Variants in PIEZO1 observed in about 807,000 individuals in gnomAD.
PIEZO1 encodes piezo type mechanosensitive ion channel component 1 (Er blood group).
Under a neutral mutation model 297.2 loss-of-function variants are expected in PIEZO1, and 296 were observed. The ratio of observed to expected loss-of-function variants is 1.00; its 90% confidence interval spans 0.91 to 1.10. PIEZO1 has a LOEUF of 1.10. Ranked by LOEUF, PIEZO1 falls within the 50% of genes least tolerant of loss-of-function variation. The pLI is 0.00. For synonymous variants in PIEZO1, 2,427 were observed against 1,507.5 expected, an observed-to-expected ratio of 1.61 and a Z score of -14.13; for missense variants, 5,018 against 3,455.5, an observed-to-expected ratio of 1.45 and a Z score of -11.34.
intron 1 of PIEZO1, among the ~76,000 whole-genome samples, chr16:88,757,884 G>C (rs1161204707): frequency 1.3e-5 from 2 of 152,148 alleles, no homozygotes; most frequent in African/African-American, 4.8e-5. Context: ...AGATGCCCCA[G>C]GAGGCAGGAA....
intron 1 of PIEZO1, among the ~76,000 whole-genome samples, chr16:88,783,453 G>T (rs1908025917): frequency 6.6e-6 from 1 of 152,258 alleles, no homozygotes; most frequent in East Asian, 1.9e-4. Flanking sequence ...GGCATTCCCT[G>T]CAGGGAGGAC....
intron 1 of PIEZO1, among the ~76,000 whole-genome samples, chr16:88,769,562 T>C (rs537861776): frequency 2.6e-5 from 4 of 152,162 alleles, no homozygotes; most frequent in East Asian, 1.9e-4. Context: ...CTCCTACCAC[T>C]GCACATGACC....
chr16:88,749,041 T>C (rs369319400), intron 2 of PIEZO1, among the ~76,000 whole-genome samples: 20 of 144,100 alleles, frequency 1.4e-4, no homozygotes, highest in South Asian at 7.0e-4. Flanking sequence ...ATCGAGACCA[T>C]CCTGGCTATC....
chr16:88,727,575 T>C lies in PIEZO1; in HGVS notation c.3283A>G (p.Asn1095Asp). ...LYLPDFFRAP[N>D]STNLISDFLL... ...CACTCACTGATGAGGTTGGTGGAGT[T>C]GGGGGCCCGGAAGAAATCAGGCAGG... is the stretch of plus-strand genomic sequence containing the variant. The change falls in exon 23 of 51, where the codon AAC (asparagine) becomes GAC (aspartate). Residue 1095 changes from asparagine to aspartate, a missense_variant. Coordinates refer to ENST00000301015, the MANE Select transcript of PIEZO1 (RefSeq NM_001142864.4). 1 of 1,510,884 alleles carries C rather than the reference T, an allele frequency of 6.6e-7. No homozygotes were observed. Among genetic ancestry groups the C allele is most frequent in the Non-Finnish European group, 8.9e-7 (1 of 1,119,978 alleles). The allele number at this position is 1,510,884 out of a possible 1,614,324, so 93.6% of individuals were successfully genotyped here.
In PIEZO1 at chr16:88,716,025, C is replaced by G; in HGVS notation, c.7224G>C (p.Leu2408=). The change falls in exon 50 of 51, where the codon CTG becomes CTC. Residue 2408 remains leucine (L), a synonymous_variant. Transcript: ENST00000301015. The part of the protein sequence containing the change: ...TGFLEWWVIE[L]QECRTDCNLL... ...GGTTGCAGTCGGTCCGGCACTCCTG[C>G]AGCTCGATGACCCACCATTCGAGGA... 2 of 1,550,242 alleles carry G rather than the reference C, an allele frequency of 1.3e-6. No homozygotes were observed. Among genetic ancestry groups the G allele is most frequent in the Non-Finnish European group, 1.7e-6 (2 of 1,146,922 alleles).
At chr16:88,722,724 C>G (rs1904289337) in intron 34 of PIEZO1, 35 bp from the exon 35 acceptor site, 1 of 1,531,216 alleles carries the variant, frequency 6.5e-7, no homozygotes, top group South Asian at 1.2e-5. Flanking sequence ...GGGCTGCGTC[C>G]AGCTCTTGTC....
chr16:88,732,545 G>T lies in PIEZO1; in HGVS notation c.2791-10C>A, dbSNP rs770343407. 1.3e-6 allele frequency: 2 copies of T among 1,545,058 alleles called. No individual in the cohort carries two copies. The highest frequency in any genetic ancestry group is 1.8e-6 in the Non-Finnish European group (2 of 1,142,756). ...GCACTTGCAGGTGGTTCTGCGGAGG[G>T]CAAGGGTCAGGGGGCAGCCGGGTAC... On this transcript the variant is annotated splice_polypyrimidine_tract_variant and intron_variant, in intron 20 of 50. Transcript: ENST00000301015.
Position 88,733,270 on chromosome 16 carries a change from GC to G in PIEZO1, c.2664+7del, listed in dbSNP as rs556884023. The G allele has an allele frequency of 4.7e-4, 720 of 1,536,918 alleles. 3 individuals carry two copies. In the African/African-American group the frequency reaches 8.6e-3, roughly 18 times the overall value. The stretch of plus-strand genomic sequence containing the variant: ...CTTCCTCCCGTCCCAGCCCTCGGGG[GC>G]CGGTACCTCGGTGCAGTTGCTGGAA... On this transcript the variant is annotated splice_region_variant and intron_variant, in intron 19 of 50. Transcript: ENST00000301015.
chr16:88,736,022 G>A (rs990991027), intron 12 of PIEZO1, 126 bp downstream of exon 12: 2 of 956,270 alleles, frequency 2.1e-6, no homozygotes, highest in South Asian at 1.7e-5. Context: ...TGGGCAGAAG[G>A]GGACAGACAG....
chr16:88,726,719 A>T lies in PIEZO1; in HGVS notation c.3695T>A (p.Leu1232Gln), dbSNP rs926723073. ...NVTVIISKNM[L>Q]SLLACVFVEQ... ...GCGGGGGGGCCGGAGGCTCACCGACAGCATGTTCTTGGAGATGATGACGGT... is the reference window on the plus strand; with the variant it reads ...GCGGGGGGGCCGGAGGCTCACCGACTGCATGTTCTTGGAGATGATGACGGT... Residue 1232 changes from leucine (L) to glutamine (Q), a missense_variant, in exon 25 of 51, where the codon CTG becomes CAG. Physicochemically the swap from Leu to Gln is moderately radical, Grantham distance 113. Transcript: ENST00000301015. 3.2e-6 allele frequency: 5 copies of T among 1,549,522 alleles called. No homozygotes were observed. In the African/African-American group the frequency reaches 6.8e-5, roughly 21 times the overall value.
At chr16:88,766,016 G>A (rs549927104) in intron 1 of PIEZO1, among the ~76,000 whole-genome samples, 19 of 152,260 alleles carry the variant, frequency 1.2e-4, no homozygotes, top group African/African-American at 4.3e-4. Flanking sequence ...GAGGAGGTGC[G>A]ACCAGAGACA....
At chr16:88,720,564 TACC>T in intron 40 of PIEZO1, 32 bp from the exon 41 acceptor site, 2 of 1,541,980 alleles carry the variant, frequency 1.3e-6, no homozygotes, top group Non-Finnish European at 1.8e-6. Flanking sequence ...CTGGGCCCAG[TACC>T]CGCCTCCCCA....
intron 31 of PIEZO1, 46 bp from the exon 32 acceptor site, chr16:88,723,374 G>T: frequency 1.3e-6 from 2 of 1,532,210 alleles, no homozygotes; most frequent in African/African-American, 1.4e-5. Flanking sequence ...CGAGCCATCA[G>T]ACCCAGGCGG....
intron 15 of PIEZO1, 31 bp from the exon 16 acceptor site, chr16:88,734,569 G>T: frequency 6.5e-7 from 1 of 1,544,698 alleles, no homozygotes; most frequent in Admixed American, 2.0e-5. Context: ...CACCGGCCCG[G>T]CCCCCGGCAG....
chr16:88,733,714 C>T lies in PIEZO1; in HGVS notation c.2361G>A (p.Arg787=), dbSNP rs9928479. 1 of 1,547,858 alleles carries T rather than the reference C, an allele frequency of 6.5e-7. No individual in the cohort carries two copies. The highest frequency in any genetic ancestry group is 1.4e-5 in the African/African-American group (1 of 72,990). The change falls in exon 18 of 51, where the codon CGG becomes CGA. Residue 787 remains arginine (R), a synonymous_variant. Transcript: ENST00000301015. ...AGAAGCCGGCTGCCAGCTCCAGCAGCCGCTCAGCCACCAGGCCCCACTTGG... is the reference window on the plus strand; with the variant it reads ...AGAAGCCGGCTGCCAGCTCCAGCAGTCGCTCAGCCACCAGGCCCCACTTGG... ...GAAKWGLVAE[R]LLELAAGFSD...
chr16:88,720,473 T>A lies in PIEZO1; in HGVS notation c.5861A>T (p.Tyr1954Phe), dbSNP rs1474212200. The change falls in exon 41 of 51, where the codon TAC becomes TTC. Residue 1954 changes from tyrosine (Y) to phenylalanine (F), a missense_variant. Physicochemically the swap from Tyr to Phe is conservative, Grantham distance 22 (BLOSUM62 3). Transcript: ENST00000301015. Reference protein sequence around the residue: ...RFFHDILHTKYRAATDVYALM... With the variant: ...RFFHDILHTKFRAATDVYALM... ...GGCATAGACGTCGGTGGCTGCGCGG[T>A]ACTTGGTGTGCAGGATGTCGTGGAA... The A allele has an allele frequency of 5.8e-6, 9 of 1,550,416 alleles. 1 individual carries two copies. In the Admixed American group the frequency reaches 1.8e-4, roughly 30 times the overall value.
intron 2 of PIEZO1, among the ~76,000 whole-genome samples, chr16:88,748,585 G>A (rs1906195604): frequency 6.6e-6 from 1 of 151,724 alleles, no homozygotes; most frequent in African/African-American, 2.4e-5. Flanking sequence ...CTCCCAGGCT[G>A]CCAGAGCCTC....
intron 1 of PIEZO1, among the ~76,000 whole-genome samples, chr16:88,767,988 C>A (rs931435771): frequency 1.3e-5 from 2 of 152,208 alleles, no homozygotes; most frequent in Admixed American, 1.3e-4. Context: ...GACCCCAGGT[C>A]CCTGAGATTT....
At chr16:88,747,443 G>A (rs570323475) in intron 2 of PIEZO1, among the ~76,000 whole-genome samples, 5 of 152,344 alleles carry the variant, frequency 3.3e-5, no homozygotes, top group African/African-American at 1.2e-4. Context: ...TTGAACCCGC[G>A]AGGCGGAGGT....
Sources: gnomAD v4.1 joint callset for allele counts (sites outside exome capture counted in the v4.1 genomes callset) on GRCh38, gnomAD v4.1.1 for gene constraint, MANE v1.5 for transcripts, NCBI Gene and HGNC (gene_info 2026-07-23, HGNC 2026-07-21) for gene names.